The following DHRS1 variants were observed in gnomAD, a reference collection of about 807,000 sequenced individuals.
DHRS1 encodes dehydrogenase/reductase 1.
In DHRS1, 34 loss-of-function variants were observed where a neutral mutation model predicts 35.2. That is an observed-to-expected ratio of 0.97 (90% CI 0.74 to 1.29). The LOEUF (loss-of-function observed/expected upper bound fraction) is 1.29, where lower values mean the gene tolerates loss of function less well. Ranked by LOEUF, DHRS1 falls within the 50% of genes most tolerant of loss-of-function variation. The pLI is 0.00. For synonymous variants in DHRS1, 133 were observed against 160.0 expected (o/e 0.83, Z 1.27); for missense variants, 354 against 403.6 (o/e 0.88, Z 1.05).
rs956300355 is a variant in DHRS1, at chr14:24,293,172, T to C, written c.375-388A>G. ...AAGAACTGACATGTAAATCATCATT[T>C]CTATGTAAATCAATCCATAGATTCA... On this transcript the variant is annotated intron_variant, in intron 4 of 8. Transcript: ENST00000288111. 1.5e-4 allele frequency: 27 copies of C among 174,742 alleles called. No individual in the cohort carries two copies. In the South Asian group the frequency reaches 2.0e-3, roughly 13 times the overall value. The allele number at this position is 174,742 out of a possible 1,614,324, so 10.8% of individuals were successfully genotyped here. A position where few individuals can be genotyped will look rare whatever the true frequency, so the allele number is the denominator to read the frequency against.
At position 24,298,955 on chromosome 14, in the gene DHRS1, ACCT is replaced by A; in HGVS notation, c.149_150+1del. 1 of 1,602,258 alleles carries A rather than the reference ACCT, an allele frequency of 6.2e-7. No individual in the cohort carries two copies. The highest frequency in any genetic ancestry group is 1.7e-5 in the Admixed American group (1 of 59,710). On this transcript the variant is annotated splice_donor_variant and coding_sequence_variant, in exon 2 of 9. Coordinates refer to ENST00000288111, the MANE Select transcript of DHRS1 (RefSeq NM_001136050.3). LOFTEE classifies it high-confidence loss of function. Reference sequence around the variant, plus strand: ...AACTGTGGTCCCAGAGGAAGCACTCACCTCCTGAGCAACAACGCGAAGGGTGTC... The same window carrying A: ...AACTGTGGTCCCAGAGGAAGCACTCACCTGAGCAACAACGCGAAGGGTGTC...
At chr14:24,299,161 G>C in intron 1 of DHRS1, 31 bp from the exon 2 acceptor site, 1 of 1,571,754 alleles carries the variant, frequency 6.4e-7, no homozygotes. Flanking sequence ...TCTGAGGGAA[G>C]CCTGGAGACT....
rs2041146832 is a variant in DHRS1, at chr14:24,290,912, AG to A, written c.888del (p.Ser297ProfsTer97). On this transcript the variant is annotated frameshift_variant, in exon 9 of 9. Transcript: ENST00000288111. LOFTEE classifies it high-confidence loss of function. Reference protein sequence around the residue: ...SGLGWLASYLPSFLRVPKWII... With the variant: ...SGLGWLASYLXSFLRVPKWII... ...ATCCACTTGGGCACACGGAGGAAGGAGGGCAGGTAGGAGGCCAGCCAGCCCA... is the reference window on the plus strand; with the variant it reads ...ATCCACTTGGGCACACGGAGGAAGGAGGCAGGTAGGAGGCCAGCCAGCCCA... The A allele has an allele frequency of 3.7e-6, 6 of 1,614,024 alleles. No individual in the cohort carries two copies. The highest frequency in any genetic ancestry group is 1.7e-5 in the Admixed American group (1 of 60,012).
chr14:24,295,035 C>G (rs1289438542), intron 4 of DHRS1, among the ~76,000 whole-genome samples: 1 of 152,024 alleles, frequency 6.6e-6, no homozygotes, highest in Non-Finnish European at 1.5e-5. Flanking sequence ...GTTTTCTTTT[C>G]TTTTTTTCTA....
intron 5 of DHRS1, 59 bp from the exon 6 acceptor site, chr14:24,292,389 C>T (rs1021897421): frequency 5.0e-6 from 8 of 1,603,442 alleles, no homozygotes; most frequent in Non-Finnish European, 6.8e-6. Flanking sequence ...TCCTGCCCTG[C>T]CCTCTCTGCT....
At chr14:24,295,609 C>G (rs2041236200) in intron 4 of DHRS1, among the ~76,000 whole-genome samples, 1 of 152,178 alleles carries the variant, frequency 6.6e-6, no homozygotes, top group Admixed American at 6.5e-5. Context: ...AAAACCCTGG[C>G]CAGCAAGAGA....
intron 1 of DHRS1, chr14:24,299,349 G>T: frequency 2.0e-6 from 1 of 503,256 alleles, no homozygotes; most frequent in Non-Finnish European, 3.6e-6. Context: ...GGGCTGAGTG[G>T]GACTGTCCAG....
intron 4 of DHRS1, among the ~76,000 whole-genome samples, chr14:24,295,294 G>A (rs2041230981): frequency 6.6e-6 from 1 of 152,152 alleles, no homozygotes; most frequent in African/African-American, 2.4e-5. Flanking sequence ...AGATTATACT[G>A]GTCTTCAGAT....
In DHRS1 at chr14:24,291,556, C is replaced by T. The variant is rs751056286; in HGVS notation, c.724G>A (p.Asp242Asn). ...ATTACCAGCTGCCCCCAAACTTCAC[C>T]TGTTGCCAAAGCCACCACACATTTG... ...SGKCVVALAT[D>N]PNILSLSGKV... The change falls in exon 7 of 9, where the codon GAT (aspartate) becomes AAT (asparagine). Residue 242 changes from aspartate (D) to asparagine (N), a missense_variant and splice_region_variant. Transcript: ENST00000288111. The T allele has an allele frequency of 2.5e-6, 4 of 1,614,232 alleles. No individual in the cohort carries two copies. Among genetic ancestry groups the T allele is most frequent in the Non-Finnish European group, 3.4e-6 (4 of 1,180,034 alleles).
At chr14:24,299,511 T>G (rs2041326323) in intron 1 of DHRS1, 70 bp downstream of exon 1, 1 of 209,534 alleles carries the variant, frequency 4.8e-6, no homozygotes. Flanking sequence ...GAGGCGCAGC[T>G]TCCGGGCCGG....
In DHRS1 at chr14:24,292,726, G is replaced by C. The variant is rs1300433994; in HGVS notation, c.433C>G (p.Leu145Val). The C allele has an allele frequency of 7.4e-6, 12 of 1,614,062 alleles. No homozygotes were observed. The highest frequency in any genetic ancestry group is 1.0e-5 in the Non-Finnish European group (12 of 1,180,036). The change falls in exon 5 of 9, where the codon CTC becomes GTC. Residue 145 changes from leucine (L) to valine (V), a missense_variant. Leu to Val is a conservative substitution (Grantham distance 32, BLOSUM62 1). Transcript: ENST00000288111. ...ARLMVPAGQG[L>V]IVVISSPGSL... ...CCTGGGGAGGAGATGACCACGATGA[G>C]CCCCTGGCCAGCTGGTACCATCAGC...
chr14:24,290,621 T>C lies in DHRS1; in HGVS notation c.*238A>G. ...CATTGAAAGAGAAATGAGACTTTTATTAGCTCCAAGAGCATTTTTCAATAC... is the reference window on the plus strand; with the variant it reads ...CATTGAAAGAGAAATGAGACTTTTACTAGCTCCAAGAGCATTTTTCAATAC... On this transcript the variant is annotated 3_prime_UTR_variant, in exon 9 of 9. Coordinates refer to ENST00000288111, the MANE Select transcript of DHRS1 (RefSeq NM_001136050.3). 1 of 477,044 alleles carries C rather than the reference T, an allele frequency of 2.1e-6. No individual in the cohort carries two copies. Among genetic ancestry groups the C allele is most frequent in the South Asian group, 2.8e-5 (1 of 35,450 alleles). The allele number at this position is 477,044 out of a possible 1,614,324, so 29.6% of individuals were successfully genotyped here. A position where few individuals can be genotyped will look rare whatever the true frequency, so the allele number is the denominator to read the frequency against.
Position 24,295,176 on chromosome 14 carries a change from A to G in DHRS1, c.374+1333T>C, listed in dbSNP as rs1251058975. ...TCCCAATAGAATACGTACAAGTATTAAAAAGAATGAGAGATATTTACATGA... is the reference window on the plus strand; with the variant it reads ...TCCCAATAGAATACGTACAAGTATTGAAAAGAATGAGAGATATTTACATGA... On this transcript the variant is annotated intron_variant, in intron 4 of 8. Coordinates refer to ENST00000288111, the MANE Select transcript of DHRS1 (RefSeq NM_001136050.3). Among the ~76,000 whole-genome samples, 3 of 152,222 alleles carry G rather than the reference A, an allele frequency of 2.0e-5. No homozygotes were observed. The East Asian group carries it at 5.8e-4, about 29-fold the overall frequency.
intron 2 of DHRS1, 25 bp downstream of exon 2, chr14:24,298,932 C>T (rs201377735): frequency 2.1e-4 from 333 of 1,587,398 alleles, no homozygotes; most frequent in Admixed American, 4.2e-4. Flanking sequence ...GTTTCTGCAA[C>T]TGTGGTCCCA....
chr14:24,298,829 T>C, intron 2 of DHRS1, 128 bp downstream of exon 2: 1 of 1,144,968 alleles, frequency 8.7e-7, no homozygotes, highest in Non-Finnish European at 1.2e-6. Flanking sequence ...TAATTTCCAC[T>C]TTGAATAAAT....
At chr14:24,298,780 G>C in intron 2 of DHRS1, 177 bp downstream of exon 2, 6 of 877,734 alleles carry the variant, frequency 6.8e-6, no homozygotes, top group Non-Finnish European at 9.6e-6. Context: ...TCACTTGGCG[G>C]CAAAATTCTA....
chr14:24,296,684 G>A (rs1371218357), intron 3 of DHRS1, 54 bp downstream of exon 3: 2 of 1,613,766 alleles, frequency 1.2e-6, no homozygotes, highest in Admixed American at 1.7e-5. Flanking sequence ...GAAGATGCAG[G>A]GGTCTGAGGG....
At chr14:24,292,513 G>A in intron 5 of DHRS1, 139 bp downstream of exon 5, 1 of 1,525,608 alleles carries the variant, frequency 6.6e-7, no homozygotes, top group South Asian at 1.2e-5. Context: ...ACAAGCAAAG[G>A]AACTGTCCAT....
Position 24,296,781 on chromosome 14 carries a change from C to G in DHRS1, c.251G>C (p.Gly84Ala). The change falls in exon 3 of 9, where the codon GGG (glycine) becomes GCG (alanine). Residue 84 changes from glycine (G) to alanine (A), a missense_variant. Gly to Ala is a moderately conservative substitution (Grantham distance 60). Transcript: ENST00000288111. ...ATTGTTGACCAGCACATCTAGACGC[C>G]CTTGCTGTTCCCGATCCACTTGCTC... Reference protein sequence around the residue: ...LFEQVDREQQGRLDVLVNNAY... With the variant: ...LFEQVDREQQARLDVLVNNAY... 1 of 1,614,160 alleles carries G rather than the reference C, an allele frequency of 6.2e-7. No individual in the cohort carries two copies. Among genetic ancestry groups the G allele is most frequent in the East Asian group, 2.2e-5 (1 of 44,888 alleles).
Sources: gnomAD v4.1 joint callset for allele counts (sites outside exome capture counted in the v4.1 genomes callset) on GRCh38, gnomAD v4.1.1 for gene constraint, MANE v1.5 for transcripts, NCBI Gene and HGNC (gene_info 2026-07-23, HGNC 2026-07-21) for gene names.